The following SUCO variants were observed in gnomAD, a reference collection of about 807,000 sequenced individuals.
SUCO encodes SUN domain containing ossification factor.
Under a neutral mutation model 148.1 loss-of-function variants are expected in SUCO, and 57 were observed. That is an observed-to-expected ratio of 0.38 (90% CI 0.31 to 0.48). SUCO has a LOEUF of 0.48. Ranked by LOEUF, SUCO falls within the 20% of genes least tolerant of loss-of-function variation. SUCO has a pLI of 0.96. For synonymous variants in SUCO, 470 were observed against 502.7 expected (o/e 0.93, Z 0.87); for missense variants, 1,331 against 1,468.2 (o/e 0.91, Z 1.53).
intron 13 of SUCO, 152 bp from the exon 14 acceptor site, chr1:172,578,146 G>A: frequency 4.7e-6 from 3 of 636,638 alleles, no homozygotes; most frequent in Middle Eastern, 3.6e-4. Flanking sequence ...AACAGTAGAT[G>A]ACTTAAATGT....
chr1:172,545,108 T>C (rs1452493825), intron 1 of SUCO, among the ~76,000 whole-genome samples: 1 of 152,104 alleles, frequency 6.6e-6, no homozygotes, highest in East Asian at 1.9e-4. Flanking sequence ...ACTGGGTAGA[T>C]AGCAGTACCA....
intron 8 of SUCO, chr1:172,570,420 A>T (rs1031573130): frequency 2.0e-6 from 1 of 491,502 alleles, no homozygotes; most frequent in Non-Finnish European, 3.6e-6. Context: ...CTAAAATATT[A>T]TTTTTTTCTT....
intron 1 of SUCO, among the ~76,000 whole-genome samples, chr1:172,535,794 A>C (rs1169779176): frequency 6.6e-6 from 1 of 152,186 alleles, no homozygotes. Context: ...TTCCCCTCTC[A>C]TGCTACCAAT....
chr1:172,556,992 A>C, intron 4 of SUCO: 1 of 979,934 alleles, frequency 1.0e-6, no homozygotes, highest in Non-Finnish European at 1.2e-6. Flanking sequence ...TAATGCTGGT[A>C]GAATTAGTAT....
chr1:172,532,356 T>C (rs1009617689), upstream of SUCO: 3 of 771,062 alleles, frequency 3.9e-6, no homozygotes, highest in African/African-American at 3.5e-5. Context: ...GAACCCAAAG[T>C]TCGAAACCAA....
At chr1:172,558,375 G>C (rs1653896801) in intron 6 of SUCO, among the ~76,000 whole-genome samples, 1 of 152,086 alleles carries the variant, frequency 6.6e-6, no homozygotes, top group African/African-American at 2.4e-5. Context: ...TCTTGAAATA[G>C]TATCAACACA....
In SUCO at chr1:172,589,211, A is replaced by C; in HGVS notation, c.2110A>C (p.Ser704Arg). Residue 704 changes from serine to arginine, a missense_variant, in exon 18 of 24, where the codon AGT becomes CGT. Transcript: ENST00000263688. ...AACTGTTGTTCTGGGTGATTTAAGT[A>C]GTAGTATGCACCAGGATGACTTGGT... ...AETVVLGDLSSSMHQDDLVNH... is the reference protein window; with the variant it reads ...AETVVLGDLSRSMHQDDLVNH... 1.9e-6 allele frequency: 3 copies of C among 1,614,004 alleles called. No homozygotes were observed. The highest frequency in any genetic ancestry group is 2.5e-6 in the Non-Finnish European group (3 of 1,179,920).
intron 13 of SUCO, among the ~76,000 whole-genome samples, 197 bp downstream of exon 13, chr1:172,578,016 A>G (rs886924654): frequency 2.0e-5 from 3 of 151,796 alleles, no homozygotes; most frequent in East Asian, 1.9e-4. Flanking sequence ...CTCATTTTGT[A>G]TATTTGTTTT....
intron 6 of SUCO, among the ~76,000 whole-genome samples, chr1:172,561,702 A>C (rs1404552637): frequency 6.6e-6 from 1 of 152,162 alleles, no homozygotes. Context: ...TTCAAGGACC[A>C]ATGAGTACCC....
intron 21 of SUCO, 107 bp downstream of exon 21, chr1:172,602,325 T>C: frequency 7.2e-7 from 1 of 1,392,336 alleles, no homozygotes; most frequent in Non-Finnish European, 9.4e-7. Context: ...TCTTTCCCTA[T>C]ATGATTATCT....
chr1:172,581,022 C>T (rs1054338193), intron 15 of SUCO, among the ~76,000 whole-genome samples: 6 of 152,140 alleles, frequency 3.9e-5, no homozygotes, highest in Non-Finnish European at 8.8e-5. Flanking sequence ...ATCGCTTGAA[C>T]CCAGGAGGCG....
intron 6 of SUCO, chr1:172,568,385 C>T: frequency 1.1e-6 from 1 of 938,330 alleles, no homozygotes; most frequent in Non-Finnish European, 1.3e-6. Context: ...GAATGTATTG[C>T]AGATACTTCT....
rs1658199261 is a variant in SUCO at position 172,611,328 on chromosome 1, T to C, written c.*1069T>C. ...GATGTCGATGTCTCTGTCTTTTTTT[T>C]TGTCTTTAAAAAATAATTGGCAGCA... On this transcript the variant is annotated 3_prime_UTR_variant, in exon 24 of 24. Transcript: ENST00000263688. 2.0e-5 allele frequency: 3 copies of C among 152,638 alleles called. No homozygotes were observed. The allele number at this position is 152,638 out of a possible 1,614,324, so 9.5% of individuals were successfully genotyped here. A position where few individuals can be genotyped will look rare whatever the true frequency, so the allele number is the denominator to read the frequency against.
Position 172,570,035 on chromosome 1 carries a change from G to A in SUCO, c.857-12G>A. On this transcript the variant is annotated splice_polypyrimidine_tract_variant and intron_variant, in intron 7 of 23. Coordinates refer to ENST00000263688, the MANE Select transcript of SUCO (RefSeq NM_014283.5). The stretch of plus-strand genomic sequence containing the variant: ...ATATATATAAATATTTATAATAACG[G>A]TTTGTCTGCAGGTCAGTCGATGCAT... 7.1e-7 allele frequency: 1 copy of A among 1,415,682 alleles called. No homozygotes were observed. Among genetic ancestry groups the A allele is most frequent in the Non-Finnish European group, 9.3e-7 (1 of 1,078,452 alleles). 87.7% of individuals were successfully genotyped at this position (1,415,682 alleles called of 1,614,324 possible).
At chr1:172,552,331 A>T (rs1166631761) in intron 2 of SUCO, among the ~76,000 whole-genome samples, 1 of 152,060 alleles carries the variant, frequency 6.6e-6, no homozygotes, top group Non-Finnish European at 1.5e-5. Flanking sequence ...AAAATATCAT[A>T]TAAATATATT....
Position 172,569,167 on chromosome 1 carries a change from A to C in SUCO, c.856+25A>C, listed in dbSNP as rs1654765682. The C allele has an allele frequency of 2.7e-6, 4 of 1,503,720 alleles. 1 individual carries two copies. Among genetic ancestry groups the C allele is most frequent in the African/African-American group, 1.4e-5 (1 of 70,368 alleles). The allele number at this position is 1,503,720 out of a possible 1,614,324, so 93.1% of individuals were successfully genotyped here. ...AGTAAGGAAGTATTTGAGTTCTTTA[A>C]ATTTTTTTTTTAAGTATATGGTGTA... On this transcript the variant is annotated intron_variant, in intron 7 of 23. Coordinates refer to ENST00000263688, the MANE Select transcript of SUCO (RefSeq NM_014283.5).
intron 19 of SUCO, among the ~76,000 whole-genome samples, chr1:172,597,282 G>A (rs761786677): frequency 1.3e-5 from 2 of 152,216 alleles, no homozygotes; most frequent in Non-Finnish European, 2.9e-5. Flanking sequence ...TCCATGGGCT[G>A]CACCCACTGT....
intron 2 of SUCO, chr1:172,552,584 A>G: frequency 1.0e-6 from 1 of 967,292 alleles, no homozygotes; most frequent in Non-Finnish European, 1.2e-6. Flanking sequence ...GATTATTTAA[A>G]TTTAAGTTAT....
At chr1:172,589,966 G>T in intron 18 of SUCO, 40 bp downstream of exon 18, 1 of 1,460,054 alleles carries the variant, frequency 6.8e-7, no homozygotes, top group Non-Finnish European at 9.1e-7. Flanking sequence ...GCTTCACACA[G>T]TGAGTTAAGC....
Sources: gnomAD v4.1 joint callset for allele counts (sites outside exome capture counted in the v4.1 genomes callset) on GRCh38, gnomAD v4.1.1 for gene constraint, MANE v1.5 for transcripts, NCBI Gene and HGNC (gene_info 2026-07-23, HGNC 2026-07-21) for gene names.